PAGE1: variants seen among roughly 807,000 people sequenced by gnomAD.
PAGE1 encodes the protein P antigen family member 1.
In PAGE1, 6 loss-of-function variants were observed where a neutral mutation model predicts 11.5. The observed-to-expected ratio is 0.52, with a 90% CI of 0.29 to 1.03. The LOEUF (loss-of-function observed/expected upper bound fraction) is 1.03. Among genes scored for constraint, PAGE1 ranks in the 50% least tolerant of loss-of-function variants. PAGE1 has a pLI of 0.09. For synonymous variants in PAGE1, 42 were observed against 40.2 expected, an observed-to-expected ratio of 1.05 and a Z score of -0.17; for missense variants, 120 against 110.2, an observed-to-expected ratio of 1.09 and a Z score of -0.40.
At position 49,694,064 on chromosome X, in the gene PAGE1, ACC is replaced by A. The variant is rs781877982; in HGVS notation, c.166+33_166+34del. On this transcript the variant is annotated intron_variant, in intron 3 of 5. Transcript: ENST00000376150. The stretch of plus-strand genomic sequence containing the variant: ...CACACACACACACACACACACACAC[ACC>A]CCAACAGGCATTCTTCTTCCCTTTC... 5.5e-5 allele frequency: 43 copies of A among 788,890 alleles called. 1 individual carries two copies. The East Asian group carries it at 1.1e-3, about 21-fold the overall frequency. The allele number at this position is 788,890 out of a possible 1,213,427, so 65.0% of individuals were successfully genotyped here.
chrX:49,690,528 C>A (rs2066916381), intron 4 of PAGE1, among the ~76,000 whole-genome samples: 1 of 110,810 alleles, frequency 9.0e-6, no homozygotes, highest in South Asian at 3.9e-4. Flanking sequence ...GAAAAAAGTT[C>A]TTTAAAAAAT....
At chrX:49,694,057 CACACACA>C (rs2066931001) in intron 3 of PAGE1, 35 bp downstream of exon 3, 3 of 789,639 alleles carry the variant, frequency 3.8e-6, no homozygotes, top group East Asian at 3.3e-5. Flanking sequence ...CACACACACA[CACACACA>C]CCCCAACAGG....
At chrX:49,689,615 T>A (rs1602796200) in intron 4 of PAGE1, 72 bp from the exon 5 acceptor site, 1 of 83,715 alleles carries the variant, frequency 1.2e-5, no homozygotes, top group Non-Finnish European at 1.8e-5. Flanking sequence ...TATATATACA[T>A]ATACATATAT....
chrX:49,689,707 T>G, intron 4 of PAGE1, among the ~76,000 whole-genome samples, 164 bp from the exon 5 acceptor site: 1 of 47,796 alleles, frequency 2.1e-5, no homozygotes, highest in African/African-American at 7.2e-5. Context: ...CATATATATG[T>G]GTATATATGT....
At chrX:49,694,038 A>ACACG in intron 3 of PAGE1, 61 bp downstream of exon 3, 1 of 581,223 alleles carries the variant, frequency 1.7e-6, no homozygotes. Flanking sequence ...ACACACACAC[A>ACACG]CACACACACA....
Position 49,694,085 on chromosome X carries a change from C to G in PAGE1, c.166+14G>C, listed in dbSNP as rs2066931566. The G allele has an allele frequency of 9.4e-7, 1 of 1,068,208 alleles. No individual in the cohort carries two copies. Among genetic ancestry groups the G allele is most frequent in the Non-Finnish European group, 1.3e-6 (1 of 772,602 alleles). 88.0% of individuals were successfully genotyped at this position (1,068,208 alleles called of 1,213,427 possible). A position where few individuals can be genotyped will look rare whatever the true frequency, so the allele number is the denominator to read the frequency against. On this transcript the variant is annotated intron_variant, in intron 3 of 5. Transcript: ENST00000376150. The stretch of plus-strand genomic sequence containing the variant: ...ACACACCCCAACAGGCATTCTTCTT[C>G]CCTTTCCCTTCACCTTGAGCTGCAG...
chrX:49,689,575 AATAT>A (rs782177014), intron 4 of PAGE1, 32 bp from the exon 5 acceptor site: 1,586 of 29,745 alleles, frequency 0.053, 46 homozygotes, highest in Non-Finnish European at 0.043. Context: ...AAAAAAAAAA[AATAT>A]ATATATATAT....
chrX:49,688,747 G>T (rs2066892678), intron 5 of PAGE1, among the ~76,000 whole-genome samples: 1 of 111,931 alleles, frequency 8.9e-6, no homozygotes, highest in Admixed American at 9.5e-5. Context: ...CACCAATGCT[G>T]TAAGAGCTGG....
intron 3 of PAGE1, 64 bp downstream of exon 3, chrX:49,694,034 AC>A: frequency 1.9e-6 from 1 of 536,831 alleles, no homozygotes. Context: ...ACACACACAC[AC>A]ACACACACAC....
intron 3 of PAGE1, among the ~76,000 whole-genome samples, chrX:49,693,044 A>G (rs2066926640): frequency 8.9e-6 from 1 of 111,816 alleles, no homozygotes; most frequent in South Asian, 3.8e-4. Flanking sequence ...TACATCATGG[A>G]TAGGATTTCA....
In PAGE1 at chrX:49,695,680, A is replaced by G. The variant is rs781971457; in HGVS notation, c.-9+189T>C. ...TCCCTGTCCTGGCCCCTTCACGACC[A>G]CAAAGCCGATGGCGGCGTCGCAGCC... On this transcript the variant is annotated intron_variant, in intron 1 of 5. Coordinates refer to ENST00000376150, the MANE Select transcript of PAGE1 (RefSeq NM_003785.4). 9.8e-5 allele frequency among the ~76,000 whole-genome samples: 11 copies of G among 111,983 alleles called. No homozygotes were observed. The South Asian group carries it at 3.7e-3, about 38-fold the overall frequency.
chrX:49,690,112 CAT>C (rs1164264874), intron 4 of PAGE1, among the ~76,000 whole-genome samples: 34 of 66,170 alleles, frequency 5.1e-4, no homozygotes, highest in Non-Finnish European at 8.1e-4. Context: ...TATATATACA[CAT>C]ATATATGTGT....
At chrX:49,689,263 C>T (rs1287741666) in intron 5 of PAGE1, among the ~76,000 whole-genome samples, 155 bp downstream of exon 5, 1 of 108,516 alleles carries the variant, frequency 9.2e-6, no homozygotes, top group Non-Finnish European at 1.9e-5. Context: ...ATCACTTGAA[C>T]TTGGGAGGCA....
intron 3 of PAGE1, among the ~76,000 whole-genome samples, chrX:49,693,461 C>T (rs2066928194): frequency 9.0e-6 from 1 of 111,647 alleles, no homozygotes; most frequent in Non-Finnish European, 1.9e-5. Context: ...TCATGTTAAT[C>T]TCAGGATAAT....
intron 4 of PAGE1, among the ~76,000 whole-genome samples, chrX:49,690,970 G>A (rs1308416616): frequency 9.0e-6 from 1 of 111,580 alleles, no homozygotes; most frequent in Non-Finnish European, 1.9e-5. Flanking sequence ...CTGAGGTCAG[G>A]AGTTCGACAC....
At chrX:49,694,064 A>ACACACACACACC (rs1557142516) in intron 3 of PAGE1, 35 bp downstream of exon 3, 2 of 788,896 alleles carry the variant, frequency 2.5e-6, no homozygotes, top group South Asian at 2.3e-5. Flanking sequence ...ACACACACAC[A>ACACACACACACC]CCCCAACAGG....
Position 49,689,505 on chromosome X carries a change from G to A in PAGE1, c.331C>T (p.Pro111Ser). ...TCTCCGCGCTCACACCCAGTCTTCG[G>A]GTGAACCTGTTCCTGGCTATCCGCT... ...PEADSQEQVH[P>S]KTGCERGDGP... is the part of the protein sequence containing the mutation. Residue 111 changes from proline (P) to serine (S), a missense_variant, in exon 5 of 6, where the codon CCG (proline) becomes TCG (serine). Transcript: ENST00000376150. The A allele has an allele frequency of 1.0e-6, 1 of 955,378 alleles. No individual in the cohort carries two copies. Among genetic ancestry groups the A allele is most frequent in the Non-Finnish European group, 1.3e-6 (1 of 757,524 alleles). 78.7% of individuals were successfully genotyped at this position (955,378 alleles called of 1,213,427 possible). A position where few individuals can be genotyped will look rare whatever the true frequency, so the allele number is the denominator to read the frequency against.
chrX:49,689,605 T>TACAC (rs1183147686), intron 4 of PAGE1, 62 bp from the exon 5 acceptor site: 3 of 82,964 alleles, frequency 3.6e-5, no homozygotes, highest in African/African-American at 2.7e-4. Flanking sequence ...TATATATATA[T>TACAC]ATATATACAT....
intron 1 of PAGE1, among the ~76,000 whole-genome samples, chrX:49,695,493 AC>A (rs1438812101): frequency 9.0e-6 from 1 of 111,014 alleles, no homozygotes; most frequent in Non-Finnish European, 1.9e-5. Flanking sequence ...CGCCATCTTC[AC>A]CACCCACCTC....
Sources: allele counts gnomAD v4.1 joint callset (sites outside exome capture counted in the v4.1 genomes callset), GRCh38; gene constraint gnomAD v4.1.1; transcripts MANE v1.5; gene names NCBI Gene and HGNC (gene_info 2026-07-23, HGNC 2026-07-21).